DPRX: variants seen among roughly 807,000 people sequenced by gnomAD.
The protein encoded by DPRX is divergent paired-related homeobox.
In DPRX, 11 loss-of-function variants were observed where a neutral mutation model predicts 8.4. That is an observed-to-expected ratio of 1.31 (90% CI 0.82 to 2.17). The LOEUF (loss-of-function observed/expected upper bound fraction) is 2.17. DPRX is among the 30% of genes most tolerant of loss of function. The pLI is 0.00. For missense variants in DPRX, 211 were observed against 236.7 expected, an observed-to-expected ratio of 0.89 and a Z score of 0.71; for synonymous variants, 72 against 87.0, an observed-to-expected ratio of 0.83 and a Z score of 0.96.
the DPRX span, among the ~76,000 whole-genome samples, chr19:53,613,371 G>C: frequency 6.6e-5 from 10 of 152,064 alleles, no homozygotes; most frequent in Non-Finnish European, 1.3e-4. Context: ...TGTTGAGATG[G>C]AATCTCGCTC....
chr19:53,620,385 C>T, the DPRX span, among the ~76,000 whole-genome samples: 1 of 150,906 alleles, frequency 6.6e-6, no homozygotes, highest in Non-Finnish European at 1.5e-5. Context: ...CTTCTTTAGA[C>T]AGGGTCTTCC....
the DPRX span, among the ~76,000 whole-genome samples, chr19:53,604,191 A>G: frequency 2.0e-5 from 3 of 152,064 alleles, no homozygotes; most frequent in African/African-American, 7.2e-5. Flanking sequence ...CAACTGAGTT[A>G]TGGATGGGAA....
the DPRX span, among the ~76,000 whole-genome samples, chr19:53,613,514 AT>A: frequency 0.037 from 5,150 of 139,100 alleles, 240 homozygotes; most frequent in African/African-American, 0.12. Flanking sequence ...TGCCCCGCTA[AT>A]TTTTTTTTTT....
chr19:53,618,121 C>A, the DPRX span, among the ~76,000 whole-genome samples: 1 of 141,594 alleles, frequency 7.1e-6, no homozygotes, highest in Non-Finnish European at 1.5e-5. Flanking sequence ...CCAGCCTGGG[C>A]GACAGAGCGA....
the DPRX span, among the ~76,000 whole-genome samples, chr19:53,624,645 C>A: frequency 6.6e-6 from 1 of 151,770 alleles, no homozygotes; most frequent in Non-Finnish European, 1.5e-5. Flanking sequence ...GAACTCCTGG[C>A]CACAAGTGAT....
chr19:53,635,420 C>G (rs1327190872), intron 2 of DPRX, among the ~76,000 whole-genome samples: 1 of 152,182 alleles, frequency 6.6e-6, no homozygotes, highest in African/African-American at 2.4e-5. Context: ...TAGCTCACTG[C>G]AGCTTTGAAT....
chr19:53,607,474 G>A, the DPRX span, among the ~76,000 whole-genome samples: 104,420 of 151,966 alleles, frequency 0.69, 36,071 homozygotes, highest in Admixed American at 0.75. Flanking sequence ...GAGCCTGGGA[G>A]GTAGAGGCTG....
chr19:53,608,993 GAGAAAGAA>G, the DPRX span, among the ~76,000 whole-genome samples: 2 of 103,068 alleles, frequency 1.9e-5, no homozygotes, highest in Non-Finnish European at 2.1e-5. Context: ...AAGAAAGAAA[GAGAAAGAA>G]AGAAAGAAAG....
At chr19:53,608,953 CAAAAA>C in the DPRX span, among the ~76,000 whole-genome samples, 38 of 76,920 alleles carry the variant, frequency 4.9e-4, no homozygotes, top group African/African-American at 1.9e-3. Flanking sequence ...GAGACTCCGT[CAAAAA>C]AAAAAAAAAA....
the DPRX span, among the ~76,000 whole-genome samples, chr19:53,611,223 A>C: frequency 1.3e-5 from 2 of 152,246 alleles, no homozygotes; most frequent in South Asian, 4.1e-4. Flanking sequence ...TTCTAAAAAA[A>C]ACAAAAAATC....
At chr19:53,618,789 TCTC>T in the DPRX span, among the ~76,000 whole-genome samples, 3 of 151,664 alleles carry the variant, frequency 2.0e-5, no homozygotes, top group Non-Finnish European at 2.9e-5. Flanking sequence ...TTCAAGCAAT[TCTC>T]CTGCCTCAGC....
At chr19:53,624,861 G>C in the DPRX span, among the ~76,000 whole-genome samples, 4 of 143,004 alleles carry the variant, frequency 2.8e-5, no homozygotes, top group African/African-American at 1.0e-4. Flanking sequence ...AAGAAAGAAA[G>C]AAAACACATC....
chr19:53,628,595 GTT>G (rs529477948), upstream of DPRX, among the ~76,000 whole-genome samples: 1 of 145,726 alleles, frequency 6.9e-6, no homozygotes. Flanking sequence ...TTTTCTTTCT[GTT>G]TTTTTTTTTG....
the DPRX span, among the ~76,000 whole-genome samples, chr19:53,620,249 T>G: frequency 2.6e-5 from 4 of 151,928 alleles, no homozygotes; most frequent in Admixed American, 6.6e-5. Context: ...TTTTGTATTT[T>G]TAGTAGAGAC....
At chr19:53,603,993 G>C in the DPRX span, among the ~76,000 whole-genome samples, 3 of 151,858 alleles carry the variant, frequency 2.0e-5, no homozygotes, top group Non-Finnish European at 4.4e-5. Flanking sequence ...TGAGCCACCT[G>C]TCTCGGCCTC....
chr19:53,613,882 C>T, the DPRX span, among the ~76,000 whole-genome samples: 4 of 151,944 alleles, frequency 2.6e-5, no homozygotes, highest in East Asian at 1.9e-4. Flanking sequence ...GTTTATTGGC[C>T]GTGTGGATAT....
At chr19:53,634,863 T>G (rs911659792) in intron 2 of DPRX, among the ~76,000 whole-genome samples, 178 bp downstream of exon 2, 6 of 152,052 alleles carry the variant, frequency 3.9e-5, no homozygotes, top group Admixed American at 1.3e-4. Context: ...ATGGGAAAAT[T>G]TTTCCAGTAA....
At chr19:53,634,753 G>C (rs1400733040) in intron 2 of DPRX, 68 bp downstream of exon 2, 13 of 1,548,354 alleles carry the variant, frequency 8.4e-6, no homozygotes, top group Non-Finnish European at 1.0e-5. Flanking sequence ...AGTCCCTCTA[G>C]GATAATTCCT....
chr19:53,627,802 G>A (rs2091077163), upstream of DPRX, among the ~76,000 whole-genome samples: 1 of 149,112 alleles, frequency 6.7e-6, no homozygotes, highest in Non-Finnish European at 1.5e-5. Context: ...TGTACTCCCA[G>A]CACTTTGGGA....
Sources: allele counts gnomAD v4.1 joint callset (sites outside exome capture counted in the v4.1 genomes callset), GRCh38; gene constraint gnomAD v4.1.1; transcripts MANE v1.5; gene names NCBI Gene and HGNC (gene_info 2026-07-23, HGNC 2026-07-21).